Variants in ASTN2 observed in about 807,000 individuals in gnomAD.
ASTN2 encodes astrotactin 2.
Under a neutral mutation model 139.8 loss-of-function variants are expected in ASTN2, and 54 were observed. The ratio of observed to expected loss-of-function variants is 0.39; its 90% CI spans 0.31 to 0.48. The LOEUF (loss-of-function observed/expected upper bound fraction) is 0.48. Among genes scored for constraint, ASTN2 ranks in the 20% least tolerant of loss-of-function variants. ASTN2 has a pLI of 0.95. For synonymous variants in ASTN2, 756 were observed against 719.5 expected, an observed-to-expected ratio of 1.05 and a Z score of -0.81; for missense variants, 1,565 against 1,725.1, an observed-to-expected ratio of 0.91 and a Z score of 1.64.
At chr9:117,120,068 CAG>C (rs1262523689) in intron 4 of ASTN2, among the ~76,000 whole-genome samples, 1 of 111,258 alleles carries the variant, frequency 9.0e-6, no homozygotes, top group East Asian at 3.0e-4. Context: ...TATATATACT[CAG>C]AGATTATGTA....
At chr9:116,428,411 C>A (rs1046211330) in intron 22 of ASTN2, among the ~76,000 whole-genome samples, 1 of 151,948 alleles carries the variant, frequency 6.6e-6, no homozygotes, top group East Asian at 1.9e-4. Context: ...GTAACCCCAG[C>A]TACTCAGGAG....
chr9:117,289,428 A>T (rs866708871), intron 2 of ASTN2, among the ~76,000 whole-genome samples: 6 of 152,196 alleles, frequency 3.9e-5, no homozygotes, highest in Non-Finnish European at 4.4e-5. Context: ...AAAACCTACC[A>T]TCCTGGGGAG....
At chr9:116,924,001 G>A (rs12236758) in intron 10 of ASTN2, among the ~76,000 whole-genome samples, 71,044 of 151,980 alleles carry the variant, frequency 0.47, 18,839 homozygotes, top group Non-Finnish European at 0.6. Flanking sequence ...ACTGGAAAGG[G>A]GTCCCAATCC....
intron 8 of ASTN2, 48 bp from the exon 9 acceptor site, chr9:116,976,236 G>T: frequency 6.5e-7 from 1 of 1,539,322 alleles, no homozygotes; most frequent in Non-Finnish European, 9.0e-7. Flanking sequence ...GTCAGAGGCA[G>T]GTAGAATTCA....
rs184030091 is a variant in ASTN2 at position 116,433,786 on chromosome 9, T to C, written c.3782+6823A>G. On this transcript the variant is annotated intron_variant, in intron 22 of 22. Coordinates refer to ENST00000313400, the MANE Select transcript of ASTN2 (RefSeq NM_001365068.1). ...CCAACAAAGTCAGAAGCTCAGATACTGCCACTGGTTATATACCTTTAACAC... is the reference window on the plus strand; with the variant it reads ...CCAACAAAGTCAGAAGCTCAGATACCGCCACTGGTTATATACCTTTAACAC... 3.3e-3 allele frequency among the ~76,000 whole-genome samples: 510 copies of C among 152,344 alleles called. 10 individuals carry two copies. The highest frequency in any genetic ancestry group is 1.3e-3 in the Non-Finnish European group (89 of 68,040).
intron 2 of ASTN2, among the ~76,000 whole-genome samples, chr9:117,235,797 T>G (rs555331675): frequency 1.3e-5 from 2 of 152,210 alleles, no homozygotes; most frequent in Non-Finnish European, 2.9e-5. Context: ...CCTGAGTTTA[T>G]AGGCAACCCT....
intron 19 of ASTN2, among the ~76,000 whole-genome samples, chr9:116,535,396 C>T (rs568916824): frequency 1.3e-5 from 2 of 152,108 alleles, no homozygotes; most frequent in South Asian, 2.1e-4. Flanking sequence ...GAGTTTGATC[C>T]TGTCATTATG....
chr9:117,077,464 C>A (rs759452720), intron 5 of ASTN2, among the ~76,000 whole-genome samples: 6 of 152,096 alleles, frequency 3.9e-5, no homozygotes, highest in Non-Finnish European at 7.4e-5. Flanking sequence ...AAGTAAGGAG[C>A]TGGCCGGGTG....
chr9:116,948,785 G>GTTTTTTTTTTTTGTTTTTTTTTTTT lies in ASTN2; in HGVS notation c.1889+26422_1889+26423insAAAAAAAAAAAACAAAAAAAAAAAA, dbSNP rs1835471789. 3.2e-4 allele frequency among the ~76,000 whole-genome samples: 16 copies of GTTTTTTTTTTTTGTTTTTTTTTTTT among 49,474 alleles called. 1 individual carries two copies. The highest frequency in any genetic ancestry group is 5.2e-4 in the African/African-American group (6 of 11,590). 32.5% of individuals were successfully genotyped at this position (49,474 alleles called of 152,430 possible). A position where few individuals can be genotyped will look rare whatever the true frequency, so the allele number is the denominator to read the frequency against. Reference sequence around the variant, plus strand: ...AGAGAGAGGAGAGAAATAATTTGGTGTTTTTTTTTTTTTTTTTTTTTTTTT... The same window carrying GTTTTTTTTTTTTGTTTTTTTTTTTT: ...AGAGAGAGGAGAGAAATAATTTGGTGTTTTTTTTTTTTGTTTTTTTTTTTTTTTTTTTTTTTTTTTTTTTTTTTTT... On this transcript the variant is annotated intron_variant, in intron 10 of 22. Coordinates refer to ENST00000313400, the MANE Select transcript of ASTN2 (RefSeq NM_001365068.1).
intron 13 of ASTN2, among the ~76,000 whole-genome samples, 172 bp from the exon 14 acceptor site, chr9:116,733,695 G>T (rs879893394): frequency 1.3e-5 from 2 of 152,144 alleles, no homozygotes; most frequent in Non-Finnish European, 2.9e-5. Context: ...CTAACTACAG[G>T]TTCCTGAATC....
At chr9:116,899,101 A>G (rs1162925527) in intron 10 of ASTN2, among the ~76,000 whole-genome samples, 1 of 152,162 alleles carries the variant, frequency 6.6e-6, no homozygotes, top group African/African-American at 2.4e-5. Flanking sequence ...GCCAGTTGAT[A>G]TTGGAACTGA....
chr9:116,699,008 TG>T lies in ASTN2; in HGVS notation c.2806+26762del. On this transcript the variant is annotated intron_variant, in intron 16 of 22. Transcript: ENST00000313400. This position sits in a 1 kb window ranked among gnomAD's most constrained non-coding sequence, Gnocchi z 4.2. ...TTGATAGCTTTGTGCTAAGCTTCCT[TG>T]GGGCAGATCTACCCAACCTCACTCC... 6.2e-7 allele frequency: 1 copy of T among 1,613,966 alleles called. No homozygotes were observed. The highest frequency in any genetic ancestry group is 8.5e-7 in the Non-Finnish European group (1 of 1,179,974).
At chr9:117,040,789 C>T (rs1165443131) in intron 5 of ASTN2, among the ~76,000 whole-genome samples, 5 of 152,184 alleles carry the variant, frequency 3.3e-5, no homozygotes, top group South Asian at 4.1e-4. Context: ...TAATAAATAT[C>T]TCACAGGGTT....
chr9:117,211,608 A>G (rs977234064), intron 3 of ASTN2, among the ~76,000 whole-genome samples: 2 of 152,318 alleles, frequency 1.3e-5, no homozygotes, highest in African/African-American at 2.4e-5. Context: ...TTGTGAGTCA[A>G]TTAAACCTCT....
rs1322512470 is a variant in ASTN2, at chr9:116,698,871, C to A, written c.2806+26900G>T. 1 of 1,614,114 alleles carries A rather than the reference C, an allele frequency of 6.2e-7. No homozygotes were observed. The highest frequency in any genetic ancestry group is 1.3e-5 in the African/African-American group (1 of 74,944). On this transcript the variant is annotated intron_variant, in intron 16 of 22. Coordinates refer to ENST00000313400, the MANE Select transcript of ASTN2 (RefSeq NM_001365068.1). The surrounding 1 kb of genome is among the most constrained non-coding windows in gnomAD (Gnocchi z 4.4). Reference sequence around the variant, plus strand: ...AGGAATGTTCAATCTTCCAGTCAGTCTCTACGTGACCAGTCAAGGTGAAGT... The same window carrying A: ...AGGAATGTTCAATCTTCCAGTCAGTATCTACGTGACCAGTCAAGGTGAAGT...
intron 20 of ASTN2, among the ~76,000 whole-genome samples, chr9:116,479,041 T>C (rs1849085788): frequency 6.9e-6 from 1 of 145,688 alleles, no homozygotes; most frequent in South Asian, 2.2e-4. Context: ...GCCTCTGAAT[T>C]CATGAAAAGT....
At chr9:116,771,769 GC>G (rs1829959089) in intron 13 of ASTN2, among the ~76,000 whole-genome samples, 1 of 152,206 alleles carries the variant, frequency 6.6e-6, no homozygotes, top group Admixed American at 6.5e-5. Context: ...TGGATCAAGT[GC>G]CAGGCTCTCA....
intron 12 of ASTN2, 46 bp from the exon 13 acceptor site, chr9:116,805,866 C>A (rs1210286892): frequency 4.4e-6 from 7 of 1,586,746 alleles, no homozygotes; most frequent in South Asian, 1.2e-5. Flanking sequence ...ATCCTGAATG[C>A]CCCCATTGGG....
intron 1 of ASTN2, among the ~76,000 whole-genome samples, chr9:117,339,721 T>C (rs1829004386): frequency 6.6e-6 from 1 of 151,786 alleles, no homozygotes; most frequent in Admixed American, 6.6e-5. Flanking sequence ...AGTTCATTAG[T>C]AAATAGATTA....
Sources: allele counts gnomAD v4.1 joint callset (sites outside exome capture counted in the v4.1 genomes callset), GRCh38; gene constraint gnomAD v4.1.1; non-coding constraint Gnocchi (gnomAD v3.1); transcripts MANE v1.5; gene names NCBI Gene and HGNC (gene_info 2026-07-23, HGNC 2026-07-21).